Variants in RSRC1 observed in about 807,000 individuals in gnomAD.
The protein encoded by RSRC1 is serine/Arginine-related protein 53.
A neutral mutation model predicts 49.1 loss-of-function variants in RSRC1; 39 were observed. The observed-to-expected ratio is 0.79, with a 90% CI of 0.61 to 1.04. The LOEUF is 1.04. Among genes scored for constraint, RSRC1 ranks in the 50% least tolerant of loss-of-function variants. The pLI is 0.00. For synonymous variants in RSRC1, 143 were observed against 130.8 expected (o/e 1.09, Z -0.63); for missense variants, 388 against 402.4 (o/e 0.96, Z 0.31).
chr3:158,529,214 G>GTGTGTGTATATA (rs374368016), intron 7 of RSRC1, among the ~76,000 whole-genome samples: 44 of 143,150 alleles, frequency 3.1e-4, no homozygotes, highest in African/African-American at 7.4e-4. Flanking sequence ...ATGTGTGTGT[G>GTGTGTGTATATA]TATATATATA....
intron 3 of RSRC1, among the ~76,000 whole-genome samples, chr3:158,162,174 T>C (rs986842944): frequency 6.6e-6 from 1 of 152,168 alleles, no homozygotes; most frequent in East Asian, 1.9e-4. Context: ...TCTTTTTTGT[T>C]TAATGTTTTG....
chr3:158,356,675 C>A (rs1731179082), intron 6 of RSRC1, among the ~76,000 whole-genome samples: 1 of 152,040 alleles, frequency 6.6e-6, no homozygotes, highest in East Asian at 1.9e-4. Context: ...ACATAATATG[C>A]ATGGCATTTT....
chr3:158,304,615 C>T (rs376878061), intron 5 of RSRC1, among the ~76,000 whole-genome samples: 6 of 152,222 alleles, frequency 3.9e-5, no homozygotes, highest in Admixed American at 1.3e-4. Context: ...CCTATATACT[C>T]AATAAATTTA....
At chr3:158,464,019 C>T (rs562176951) in intron 7 of RSRC1, among the ~76,000 whole-genome samples, 97 of 152,096 alleles carry the variant, frequency 6.4e-4, no homozygotes, top group African/African-American at 2.3e-3. Context: ...TACAGTGTCC[C>T]TTTTTTTCTA....
At chr3:158,349,688 GC>G (rs1375704581) in intron 5 of RSRC1, among the ~76,000 whole-genome samples, 2 of 111,386 alleles carry the variant, frequency 1.8e-5, no homozygotes, top group East Asian at 5.3e-4. Context: ...TATTCTTACT[GC>G]CCTTTTTTTT....
chr3:158,365,539 G>T (rs565548554), intron 6 of RSRC1, among the ~76,000 whole-genome samples: 34 of 152,244 alleles, frequency 2.2e-4, no homozygotes, highest in Non-Finnish European at 4.6e-4. Context: ...TCTTTATCCA[G>T]TCTATCATTG....
intron 7 of RSRC1, among the ~76,000 whole-genome samples, chr3:158,516,557 G>C (rs987055490): frequency 6.6e-6 from 1 of 152,180 alleles, no homozygotes; most frequent in East Asian, 1.9e-4. Flanking sequence ...TTTGTTGTCT[G>C]TGCCCTGCCC....
intron 4 of RSRC1, among the ~76,000 whole-genome samples, chr3:158,226,611 T>G (rs1262825535): frequency 6.6e-6 from 1 of 151,948 alleles, no homozygotes; most frequent in East Asian, 1.9e-4. Context: ...TTTGCACTTT[T>G]GTCCACAGTG....
intron 5 of RSRC1, among the ~76,000 whole-genome samples, chr3:158,347,946 T>C (rs548969242): frequency 6.6e-6 from 1 of 152,348 alleles, no homozygotes; most frequent in African/African-American, 2.4e-5. Context: ...ATGAAATATT[T>C]TAATATAGGC....
At chr3:158,169,215 CT>C (rs1197432277) in intron 3 of RSRC1, among the ~76,000 whole-genome samples, 2 of 152,130 alleles carry the variant, frequency 1.3e-5, no homozygotes, top group Admixed American at 1.3e-4. Flanking sequence ...TCTGCTTCAC[CT>C]TTTGACATCA....
chr3:158,261,066 A>G (rs1724867043), intron 4 of RSRC1, among the ~76,000 whole-genome samples: 1 of 152,254 alleles, frequency 6.6e-6, no homozygotes, highest in Non-Finnish European at 1.5e-5. Context: ...TCAAAGATGC[A>G]TTTTTGTGTG....
intron 6 of RSRC1, among the ~76,000 whole-genome samples, chr3:158,416,778 G>T (rs1279184884): frequency 6.6e-6 from 1 of 151,982 alleles, no homozygotes; most frequent in Non-Finnish European, 1.5e-5. Context: ...CGATAATGTT[G>T]TACTTCTTTT....
chr3:158,370,772 T>C (rs913427779), intron 6 of RSRC1, among the ~76,000 whole-genome samples: 2 of 151,882 alleles, frequency 1.3e-5, no homozygotes, highest in African/African-American at 4.8e-5. Flanking sequence ...TTGCTTAGGA[T>C]TGGGATGCTA....
At chr3:158,312,190 C>T (rs35183268) in intron 5 of RSRC1, among the ~76,000 whole-genome samples, 1,968 of 150,900 alleles carry the variant, frequency 0.013, 41 homozygotes, top group African/African-American at 0.045. Flanking sequence ...AAGACTCATT[C>T]CTACTCTGGT....
chr3:158,340,803 C>T (rs1730194825), intron 5 of RSRC1, among the ~76,000 whole-genome samples: 1 of 152,158 alleles, frequency 6.6e-6, no homozygotes, highest in African/African-American at 2.4e-5. Flanking sequence ...GGAACAGTAC[C>T]TCCTGTGGAG....
intron 7 of RSRC1, among the ~76,000 whole-genome samples, chr3:158,466,190 CT>C (rs1737882022): frequency 6.6e-6 from 1 of 152,036 alleles, no homozygotes; most frequent in Admixed American, 6.6e-5. Context: ...GCAAGGAATC[CT>C]TCCTTATTTT....
rs186668934 is a variant in RSRC1 at position 158,520,334 on chromosome 3, G to C, written c.653-16758G>C. 3.1e-3 allele frequency among the ~76,000 whole-genome samples: 478 copies of C among 152,234 alleles called. 2 individuals carry two copies. Among genetic ancestry groups the C allele is most frequent in the African/African-American group, 0.011 (465 of 41,542 alleles). ...AATAAATATGTTCTCCTAGCAATCAGCACATGGAGGAACAATTAAACTTGT... is the reference window on the plus strand; with the variant it reads ...AATAAATATGTTCTCCTAGCAATCACCACATGGAGGAACAATTAAACTTGT... On this transcript the variant is annotated intron_variant, in intron 7 of 9. Coordinates refer to ENST00000611884, the MANE Select transcript of RSRC1 (RefSeq NM_001271838.2).
At chr3:158,202,804 A>C (rs1200238519) in intron 3 of RSRC1, among the ~76,000 whole-genome samples, 5 of 151,874 alleles carry the variant, frequency 3.3e-5, no homozygotes, top group Non-Finnish European at 7.4e-5. Context: ...AGGAGATGTG[A>C]ATAATTAAGA....
chr3:158,412,936 A>G (rs1230916117), intron 6 of RSRC1, among the ~76,000 whole-genome samples: 3 of 152,226 alleles, frequency 2.0e-5, no homozygotes, highest in Non-Finnish European at 4.4e-5. Flanking sequence ...TATAGATTCA[A>G]TTCTATTCCC....
Sources: gnomAD v4.1 joint callset for allele counts (sites outside exome capture counted in the v4.1 genomes callset) on GRCh38, gnomAD v4.1.1 for gene constraint, MANE v1.5 for transcripts, NCBI Gene and HGNC (gene_info 2026-07-23, HGNC 2026-07-21) for gene names.